USP37: variants seen among roughly 807,000 people sequenced by gnomAD.
USP37 encodes the protein ubiquitin specific peptidase 37, also known as ubiquitin carboxyl-terminal hydrolase 37.
Under a neutral mutation model 124.0 loss-of-function variants are expected in USP37, and 27 were observed. The ratio of observed to expected loss-of-function variants is 0.22; its 90% CI spans 0.16 to 0.30. USP37 has a LOEUF of 0.30. Ranked by LOEUF, USP37 falls within the 10% of genes least tolerant of loss-of-function variation. The pLI is 1.00. For missense variants in USP37, 889 were observed against 1,140.4 expected (o/e 0.78, Z 3.17); for synonymous variants, 365 against 388.0 (o/e 0.94, Z 0.70).
At chr2:218,496,257 T>C (rs1689074021) in intron 13 of USP37, among the ~76,000 whole-genome samples, 2 of 151,234 alleles carry the variant, frequency 1.3e-5, no homozygotes, top group Admixed American at 6.6e-5. Flanking sequence ...CGCACCATTA[T>C]ATTCCAGTTT....
chr2:218,487,549 T>G (rs1428525592), intron 15 of USP37, among the ~76,000 whole-genome samples: 1 of 152,058 alleles, frequency 6.6e-6, no homozygotes, highest in African/African-American at 2.4e-5. Context: ...GCCTCCTGAT[T>G]AGCTGGGACT....
chr2:218,493,423 T>C (rs1688904099), intron 14 of USP37, among the ~76,000 whole-genome samples: 1 of 152,174 alleles, frequency 6.6e-6, no homozygotes, highest in African/African-American at 2.4e-5. Flanking sequence ...ACAATTAAAG[T>C]GCCTAACACC....
intron 8 of USP37, among the ~76,000 whole-genome samples, chr2:218,541,135 A>G (rs963676005): frequency 7.2e-5 from 11 of 152,230 alleles, no homozygotes; most frequent in African/African-American, 2.7e-4. Context: ...TTATTTTTCA[A>G]TAACTCACTT....
At chr2:218,464,394 C>G (rs755657000) in intron 21 of USP37, among the ~76,000 whole-genome samples, 6 of 152,130 alleles carry the variant, frequency 3.9e-5, no homozygotes, top group Non-Finnish European at 8.8e-5. Context: ...CACGCCACCA[C>G]AGCAGGTTAA....
intron 11 of USP37, among the ~76,000 whole-genome samples, chr2:218,499,370 C>T (rs548793389): frequency 6.6e-6 from 1 of 152,266 alleles, no homozygotes; most frequent in South Asian, 2.1e-4. Context: ...GATTCACCAA[C>T]TGTTATACTT....
At position 218,459,882 on chromosome 2, in the gene USP37, C is replaced by G. The variant is rs552545298; in HGVS notation, c.2551G>C (p.Ala851Pro). The change falls in exon 23 of 26, where the codon GCA (alanine) becomes CCA (proline). Residue 851 changes from alanine (A) to proline (P), a missense_variant. Coordinates refer to ENST00000258399, the MANE Select transcript of USP37 (RefSeq NM_020935.3). Reference sequence around the variant, plus strand: ...CCAGAGTCCTCATCAGAACCCAATGCATCCACAAAGGAGTTGTTAAACTCT... The same window carrying G: ...CCAGAGTCCTCATCAGAACCCAATGGATCCACAAAGGAGTTGTTAAACTCT... ...LQEFNNSFVD[A>P]LGSDEDSGNE... The G allele has an allele frequency of 1.9e-6, 3 of 1,613,552 alleles. No individual in the cohort carries two copies. In the Admixed American group the frequency reaches 5.0e-5, roughly 27 times the overall value.
chr2:218,533,019 T>C (rs771701681), intron 9 of USP37, among the ~76,000 whole-genome samples: 3 of 152,154 alleles, frequency 2.0e-5, no homozygotes, highest in African/African-American at 4.8e-5. Flanking sequence ...AACATAACTT[T>C]TATTGCACTG....
At chr2:218,495,057 T>C (rs761419335) in intron 14 of USP37, among the ~76,000 whole-genome samples, 47 of 152,182 alleles carry the variant, frequency 3.1e-4, no homozygotes, top group Non-Finnish European at 8.8e-5. Flanking sequence ...AATAAAACTA[T>C]AGATTAAAAT....
rs1559152897 is a variant in USP37 at position 218,450,496 on chromosome 2, T to G, written c.*4434A>C. The G allele has an allele frequency of 6.6e-6, 1 of 152,626 alleles. No homozygotes were observed. Among genetic ancestry groups the G allele is most frequent in the Non-Finnish European group, 1.5e-5 (1 of 68,036 alleles). 9.5% of individuals were successfully genotyped at this position (152,626 alleles called of 1,614,324 possible). A position where few individuals can be genotyped will look rare whatever the true frequency, so the allele number is the denominator to read the frequency against. ...CCAGAAAACCTGGTAGTGGCTCAAT[T>G]AGGCAAAGTGTAGGAATCTCATTTT... is the stretch of plus-strand genomic sequence containing the variant. On this transcript the variant is annotated 3_prime_UTR_variant, in exon 26 of 26. Transcript: ENST00000258399.
chr2:218,551,089 A>C (rs932014016), intron 5 of USP37, among the ~76,000 whole-genome samples: 4 of 152,106 alleles, frequency 2.6e-5, no homozygotes, highest in Admixed American at 1.3e-4. Context: ...GTCACTGGAG[A>C]TAAGGATCCA....
At chr2:218,506,859 C>T (rs569674922) in intron 11 of USP37, among the ~76,000 whole-genome samples, 12 of 151,598 alleles carry the variant, frequency 7.9e-5, no homozygotes, top group Admixed American at 1.3e-4. Context: ...TGCAGTGGCG[C>T]GATCTCAGCT....
chr2:218,519,165 C>T (rs1463762871), intron 10 of USP37, among the ~76,000 whole-genome samples: 2 of 152,168 alleles, frequency 1.3e-5, no homozygotes, highest in Non-Finnish European at 2.9e-5. Flanking sequence ...TGATATACTT[C>T]CATTGTAAAT....
chr2:218,480,234 T>TA (rs750876870), intron 17 of USP37, among the ~76,000 whole-genome samples: 3 of 150,192 alleles, frequency 2.0e-5, no homozygotes, highest in Non-Finnish European at 3.0e-5. Flanking sequence ...CCGTTTCTAC[T>TA]AAAAAAATAC....
chr2:218,488,682 C>A (rs1165002692), intron 14 of USP37, among the ~76,000 whole-genome samples: 1 of 152,148 alleles, frequency 6.6e-6, no homozygotes, highest in Non-Finnish European at 1.5e-5. Flanking sequence ...GTCACCCAGG[C>A]TGGAGTACAA....
chr2:218,552,172 T>A (rs1692700623), intron 5 of USP37, among the ~76,000 whole-genome samples: 2 of 152,158 alleles, frequency 1.3e-5, no homozygotes, highest in South Asian at 4.1e-4. Context: ...AATGAGTAGG[T>A]ACTAAATGGC....
intron 13 of USP37, 123 bp from the exon 14 acceptor site, chr2:218,496,073 C>G (rs111804452): frequency 1.1e-6 from 1 of 912,018 alleles, no homozygotes; most frequent in Non-Finnish European, 1.6e-6. Context: ...GCAGGCGGAT[C>G]ACTTGAGGTC....
chr2:218,548,369 C>A (rs1425757235), intron 6 of USP37, among the ~76,000 whole-genome samples: 6 of 149,596 alleles, frequency 4.0e-5, no homozygotes, highest in African/African-American at 1.5e-4. Context: ...AAGACAGAGT[C>A]TTACTCTGTC....
chr2:218,554,471 G>T (rs1692841364), intron 4 of USP37, among the ~76,000 whole-genome samples: 1 of 152,204 alleles, frequency 6.6e-6, no homozygotes, highest in East Asian at 1.9e-4. Flanking sequence ...AGAAAGCCAG[G>T]TGCCATGGCT....
At position 218,451,072 on chromosome 2, in the gene USP37, A is replaced by T. The variant is rs1048967117; in HGVS notation, c.*3858T>A. ...TAGAATTTTCCAATAAAAAATATAT[A>T]TTTTTTCAGATGTTAATAAGACATA... On this transcript the variant is annotated 3_prime_UTR_variant, in exon 26 of 26. Coordinates refer to ENST00000258399, the MANE Select transcript of USP37 (RefSeq NM_020935.3). The T allele has an allele frequency of 1.3e-5, 2 of 152,102 alleles. No homozygotes were observed. Among genetic ancestry groups the T allele is most frequent in the East Asian group, 3.8e-4 (2 of 5,200 alleles). The allele number at this position is 152,102 out of a possible 1,614,324, so 9.4% of individuals were successfully genotyped here. A position where few individuals can be genotyped will look rare whatever the true frequency, so the allele number is the denominator to read the frequency against.
Sources: gnomAD v4.1 joint callset for allele counts (sites outside exome capture counted in the v4.1 genomes callset) on GRCh38, gnomAD v4.1.1 for gene constraint, MANE v1.5 for transcripts, NCBI Gene and HGNC (gene_info 2026-07-23, HGNC 2026-07-21) for gene names.